Variants in TIAM1 observed in about 807,000 individuals in gnomAD.
TIAM1 encodes rho guanine nucleotide exchange factor TIAM1.
A neutral mutation model predicts 163.5 loss-of-function variants in TIAM1; 65 were observed. That is an observed-to-expected ratio of 0.40 (90% CI 0.33 to 0.49). The LOEUF (loss-of-function observed/expected upper bound fraction) is 0.49, where lower values mean the gene tolerates loss of function less well. Among genes scored for constraint, TIAM1 ranks in the 20% least tolerant of loss-of-function variants. TIAM1 has a pLI of 0.77. For synonymous variants in TIAM1, 833 were observed against 810.1 expected (o/e 1.03, Z -0.48); for missense variants, 1,789 against 2,044.7 (o/e 0.87, Z 2.41).
chr21:31,523,190 T>C (rs890197979), intron 1 of TIAM1, among the ~76,000 whole-genome samples: 1 of 152,120 alleles, frequency 6.6e-6, no homozygotes, highest in East Asian at 1.9e-4. Flanking sequence ...TTACAAACGG[T>C]ATCAAAGTAC....
intron 2 of TIAM1, among the ~76,000 whole-genome samples, chr21:31,328,198 G>T (rs1385896869): frequency 6.6e-6 from 1 of 151,960 alleles, no homozygotes; most frequent in African/African-American, 2.4e-5. Context: ...TTGCTTCAAG[G>T]GCCTCCACTG....
intron 16 of TIAM1, among the ~76,000 whole-genome samples, chr21:31,159,692 C>T (rs16987856): frequency 0.013 from 1,923 of 152,300 alleles, 42 homozygotes; most frequent in African/African-American, 0.044. Context: ...CTTATTTGAG[C>T]AAATCAGGTG....
At chr21:31,523,959 A>T (rs2047692835) in intron 1 of TIAM1, among the ~76,000 whole-genome samples, 1 of 151,026 alleles carries the variant, frequency 6.6e-6, no homozygotes, top group African/African-American at 2.4e-5. Context: ...CCTGCTCTGC[A>T]GGCATGATAA....
At chr21:31,545,563 T>C (rs1174377541) in intron 1 of TIAM1, among the ~76,000 whole-genome samples, 2 of 152,000 alleles carry the variant, frequency 1.3e-5, no homozygotes, top group Non-Finnish European at 2.9e-5. Flanking sequence ...GACACAACCA[T>C]GATTGGGACT....
At chr21:31,474,940 C>A (rs113869980) in intron 1 of TIAM1, among the ~76,000 whole-genome samples, 10 of 151,704 alleles carry the variant, frequency 6.6e-5, no homozygotes, top group Non-Finnish European at 8.8e-5. Flanking sequence ...TTCCTGCAGC[C>A]GGTGAAATGG....
At chr21:31,164,507 G>A (rs2084111908) in intron 16 of TIAM1, among the ~76,000 whole-genome samples, 2 of 151,980 alleles carry the variant, frequency 1.3e-5, no homozygotes, top group Admixed American at 6.6e-5. Context: ...TTTAAAATAT[G>A]GTTTCTTTCC....
chr21:31,181,790 T>C (rs1226512157), intron 15 of TIAM1, among the ~76,000 whole-genome samples: 8 of 90,392 alleles, frequency 8.9e-5, no homozygotes, highest in African/African-American at 3.2e-4. Flanking sequence ...TTTTTTTTTT[T>C]TTTTTTTTTT....
intron 3 of TIAM1, among the ~76,000 whole-genome samples, chr21:31,271,151 G>T (rs2073038630): frequency 1.3e-5 from 2 of 151,914 alleles, no homozygotes; most frequent in South Asian, 4.2e-4. Flanking sequence ...AGGGCTGGAA[G>T]TGTCTTGTTT....
intron 2 of TIAM1, among the ~76,000 whole-genome samples, chr21:31,406,602 TA>T (rs1172245348): frequency 6.6e-6 from 1 of 152,148 alleles, no homozygotes; most frequent in Non-Finnish European, 1.5e-5. Flanking sequence ...GAATGCAAGA[TA>T]AAAGAAGGCA....
chr21:31,139,170 T>G (rs1415794674), intron 22 of TIAM1, among the ~76,000 whole-genome samples: 13 of 152,240 alleles, frequency 8.5e-5, no homozygotes, highest in Non-Finnish European at 1.6e-4. Context: ...ATTCATCTTT[T>G]TTTCCTAAAT....
chr21:31,346,892 G>T (rs1423194562), upstream of TIAM1, among the ~76,000 whole-genome samples: 6 of 151,812 alleles, frequency 4.0e-5, no homozygotes, highest in Non-Finnish European at 8.8e-5. Flanking sequence ...TGGGTGGGTG[G>T]GGGGCATATA....
At chr21:31,275,779 A>G (rs1008620454) in intron 3 of TIAM1, among the ~76,000 whole-genome samples, 1 of 152,198 alleles carries the variant, frequency 6.6e-6, no homozygotes, top group Non-Finnish European at 1.5e-5. Context: ...TGGTGGGTCC[A>G]TGATCATCCA....
intron 4 of TIAM1, among the ~76,000 whole-genome samples, chr21:31,254,328 A>G (rs2146758895): frequency 6.6e-6 from 1 of 152,336 alleles, no homozygotes; most frequent in Middle Eastern, 3.4e-3. Flanking sequence ...TATCCTTCCA[A>G]GTACACTTTC....
chr21:31,434,337 T>C (rs2044138995), intron 2 of TIAM1, among the ~76,000 whole-genome samples: 1 of 152,116 alleles, frequency 6.6e-6, no homozygotes, highest in Non-Finnish European at 1.5e-5. Flanking sequence ...CAGATGAGCA[T>C]TACGATCTGC....
At chr21:31,252,210 G>A in intron 4 of TIAM1, 21 bp from the exon 5 acceptor site, 1 of 1,593,346 alleles carries the variant, frequency 6.3e-7, no homozygotes, top group Non-Finnish European at 8.5e-7. Flanking sequence ...GAAAGAGAGA[G>A]CAAAGAAGAC....
Position 31,189,621 on chromosome 21 carries a change from G to C in TIAM1, c.2576-2534C>G, listed in dbSNP as rs569688213. Among the ~76,000 whole-genome samples the C allele has an allele frequency of 1.1e-3, 168 of 152,224 alleles. 4 individuals carry two copies. The highest frequency in any genetic ancestry group is 6.5e-4 in the Admixed American group (10 of 15,274). On this transcript the variant is annotated intron_variant, in intron 13 of 27. Transcript: ENST00000541036. ...ATTTACAAAAGTGAATAGCACATTA[G>C]CTCTGTACTGGAATTCATATTGGAC...
chr21:31,408,729 C>T (rs2077291329), intron 2 of TIAM1, among the ~76,000 whole-genome samples: 2 of 152,168 alleles, frequency 1.3e-5, no homozygotes, highest in Non-Finnish European at 2.9e-5. Context: ...TAGATTAGTT[C>T]TATTTTGAGG....
chr21:31,442,445 C>G (rs948970321), intron 2 of TIAM1, among the ~76,000 whole-genome samples: 1 of 151,898 alleles, frequency 6.6e-6, no homozygotes, highest in Non-Finnish European at 1.5e-5. Context: ...GTTGGCCAGG[C>G]TGGTATGGAA....
At chr21:31,237,868 T>C (rs528474851) in intron 6 of TIAM1, among the ~76,000 whole-genome samples, 1 of 152,334 alleles carries the variant, frequency 6.6e-6, no homozygotes, top group African/African-American at 2.4e-5. Context: ...AGGTAATGAA[T>C]GAATGAAGGC....
Sources: gnomAD v4.1 joint callset for allele counts (sites outside exome capture counted in the v4.1 genomes callset) on GRCh38, gnomAD v4.1.1 for gene constraint, MANE v1.5 for transcripts, NCBI Gene and HGNC (gene_info 2026-07-23, HGNC 2026-07-21) for gene names.